PAPPA2: variants seen among roughly 807,000 people sequenced by gnomAD.
The protein encoded by PAPPA2 is pappalysin-2.
A neutral mutation model predicts 176.4 loss-of-function variants in PAPPA2; 86 were observed. The ratio of observed to expected loss-of-function variants is 0.49; its 90% CI spans 0.41 to 0.58. The LOEUF (loss-of-function observed/expected upper bound fraction) is 0.58, where lower values mean the gene tolerates loss of function less well. Among genes scored for constraint, PAPPA2 ranks in the 20% least tolerant of loss-of-function variants. The probability of loss-of-function intolerance (pLI) is 0.00; values close to 1 mark genes in which losing one functional copy is unlikely to be tolerated. For missense variants in PAPPA2, 2,073 were observed against 2,256.9 expected (o/e 0.92, Z 1.65); for synonymous variants, 809 against 852.2 (o/e 0.95, Z 0.88).
At chr1:176,842,168 T>C (rs546584537) in intron 22 of PAPPA2, among the ~76,000 whole-genome samples, 2 of 152,284 alleles carry the variant, frequency 1.3e-5, no homozygotes, top group African/African-American at 2.4e-5. Context: ...AGTTTATATA[T>C]GAGGAAAGTG....
In PAPPA2 at chr1:176,842,458, T is replaced by C. The variant is rs1667523937; in HGVS notation, c.*4T>C. On this transcript the variant is annotated 3_prime_UTR_variant, in exon 23 of 23. Transcript: ENST00000367662. ...CAAGGCAGAAGAAAATCAGTAACTG[T>C]GGGAACAAGCCCCTCCCTCCACTGC... 1 of 1,612,280 alleles carries C rather than the reference T, an allele frequency of 6.2e-7. No individual in the cohort carries two copies. Among genetic ancestry groups the C allele is most frequent in the Non-Finnish European group, 8.5e-7 (1 of 1,178,862 alleles).
chr1:176,526,915 A>G (rs1015851779), intron 1 of PAPPA2, among the ~76,000 whole-genome samples: 1 of 152,232 alleles, frequency 6.6e-6, no homozygotes, highest in Non-Finnish European at 1.5e-5. Context: ...ACATATGTAA[A>G]GGTATCTGGC....
chr1:176,672,252 A>G (rs886612108), intron 4 of PAPPA2, among the ~76,000 whole-genome samples: 7 of 152,106 alleles, frequency 4.6e-5, no homozygotes, highest in Admixed American at 1.3e-4. Flanking sequence ...ATAGCATTCT[A>G]TAAAAATTTA....
intron 21 of PAPPA2, among the ~76,000 whole-genome samples, chr1:176,811,940 G>T (rs1168250975): frequency 6.6e-6 from 1 of 151,776 alleles, no homozygotes; most frequent in Non-Finnish European, 1.5e-5. Flanking sequence ...TTTTAAAAAA[G>T]TAAAACATTA....
At chr1:176,630,261 TG>T (rs1429487665) in intron 3 of PAPPA2, among the ~76,000 whole-genome samples, 1 of 152,146 alleles carries the variant, frequency 6.6e-6, no homozygotes, top group African/African-American at 2.4e-5. Context: ...AAAATTTGAA[TG>T]ATGAGAGAAT....
chr1:176,582,441 T>A (rs890992470), intron 2 of PAPPA2, among the ~76,000 whole-genome samples: 2 of 152,228 alleles, frequency 1.3e-5, no homozygotes, highest in South Asian at 4.1e-4. Context: ...AGTACGATAT[T>A]AGCGGTCACT....
intron 17 of PAPPA2, among the ~76,000 whole-genome samples, chr1:176,786,697 C>G (rs1664948899): frequency 6.6e-6 from 1 of 152,204 alleles, no homozygotes; most frequent in Admixed American, 6.5e-5. Flanking sequence ...CCGGGGGCTT[C>G]TGCTGTGAGC....
intron 1 of PAPPA2, among the ~76,000 whole-genome samples, chr1:176,485,431 T>G (rs1448618164): frequency 6.6e-6 from 1 of 152,190 alleles, no homozygotes; most frequent in Non-Finnish European, 1.5e-5. Context: ...TGCTTCCCTG[T>G]GCCTAGAAGC....
intron 16 of PAPPA2, 28 bp from the exon 17 acceptor site, chr1:176,770,939 A>C (rs1468262266): frequency 6.2e-7 from 1 of 1,602,068 alleles, no homozygotes; most frequent in East Asian, 2.2e-5. Flanking sequence ...TGTTCTGAGC[A>C]TCTTGTGCTT....
chr1:176,745,835 A>G (rs192898637), intron 14 of PAPPA2, among the ~76,000 whole-genome samples: 5 of 152,314 alleles, frequency 3.3e-5, no homozygotes, highest in East Asian at 1.9e-4. Context: ...TAGTCAGAAA[A>G]TGCTCACTGG....
At chr1:176,668,808 G>T (rs527599712) in intron 3 of PAPPA2, among the ~76,000 whole-genome samples, 23 of 152,172 alleles carry the variant, frequency 1.5e-4, no homozygotes, top group African/African-American at 5.5e-4. Flanking sequence ...ACATATATCT[G>T]TATCTCTGGG....
chr1:176,609,351 T>C (rs533751456), intron 3 of PAPPA2, among the ~76,000 whole-genome samples: 2,081 of 152,268 alleles, frequency 0.014, 23 homozygotes, highest in Non-Finnish European at 0.021. Context: ...ATTTTTCTTC[T>C]CTTATGGAGC....
chr1:176,468,941 T>G (rs1254184097), intron 1 of PAPPA2, among the ~76,000 whole-genome samples: 2 of 152,250 alleles, frequency 1.3e-5, no homozygotes, highest in Admixed American at 6.5e-5. Context: ...ATGCATCATT[T>G]CATTAAACAC....
intron 19 of PAPPA2, 78 bp downstream of exon 19, chr1:176,791,560 A>T (rs1429802351): frequency 6.6e-7 from 1 of 1,511,878 alleles, no homozygotes; most frequent in Non-Finnish European, 9.0e-7. Context: ...TTTTAATTTT[A>T]TTTATTTTTG....
At chr1:176,695,920 TAA>T in intron 7 of PAPPA2, 61 bp downstream of exon 7, 3 of 1,592,286 alleles carry the variant, frequency 1.9e-6, no homozygotes, top group Non-Finnish European at 1.7e-6. Flanking sequence ...GGGGTGGAGG[TAA>T]AGAGTGGAGT....
At chr1:176,624,797 A>G (rs939077863) in intron 3 of PAPPA2, among the ~76,000 whole-genome samples, 3 of 152,202 alleles carry the variant, frequency 2.0e-5, no homozygotes, top group African/African-American at 7.2e-5. Flanking sequence ...GTTTGGGAGC[A>G]AAGTCTACTG....
chr1:176,623,800 TTTCTTTCTTCTTTCTTTCTTC>T (rs1655840735), intron 3 of PAPPA2, among the ~76,000 whole-genome samples: 1 of 121,002 alleles, frequency 8.3e-6, no homozygotes, highest in Non-Finnish European at 1.7e-5. Flanking sequence ...TCTTTCTTTC[TTTCTTTCTTCTTTCTTTCTTC>T]TCTCTCTCTC....
intron 3 of PAPPA2, among the ~76,000 whole-genome samples, chr1:176,644,274 A>G (rs1196946725): frequency 1.3e-5 from 2 of 151,746 alleles, no homozygotes; most frequent in Non-Finnish European, 2.9e-5. Context: ...AGGTTCAAGC[A>G]ACTTCTGGGG....
At chr1:176,558,289 G>A (rs1651447340) in intron 2 of PAPPA2, among the ~76,000 whole-genome samples, 1 of 152,188 alleles carries the variant, frequency 6.6e-6, no homozygotes, top group South Asian at 2.1e-4. Context: ...GCAATAAAAG[G>A]CATGCCAGGC....
Sources: allele counts gnomAD v4.1 joint callset (sites outside exome capture counted in the v4.1 genomes callset), GRCh38; gene constraint gnomAD v4.1.1; transcripts MANE v1.5; gene names NCBI Gene and HGNC (gene_info 2026-07-23, HGNC 2026-07-21).